The following CBR4 variants were observed in gnomAD, a reference collection of about 807,000 sequenced individuals.
CBR4 encodes carbonyl reductase 4.
A neutral mutation model predicts 21.0 loss-of-function variants in CBR4; 22 were observed. The ratio of observed to expected loss-of-function variants is 1.05; its 90% CI spans 0.75 to 1.50. The LOEUF (loss-of-function observed/expected upper bound fraction) is 1.50. Among genes scored for constraint, CBR4 ranks in the 40% most tolerant of loss-of-function variants. CBR4 has a pLI of 0.00. For synonymous variants in CBR4, 100 were observed against 104.4 expected (o/e 0.96, Z 0.26); for missense variants, 302 against 286.3 (o/e 1.05, Z -0.40).
intron 2 of CBR4, among the ~76,000 whole-genome samples, chr4:168,968,110 A>C (rs1277316226): frequency 6.6e-6 from 1 of 152,188 alleles, no homozygotes; most frequent in East Asian, 1.9e-4. Context: ...GTAATTTCTT[A>C]GAGAAAATAA....
intron 2 of CBR4, among the ~76,000 whole-genome samples, chr4:168,896,232 TA>T (rs1177013324): frequency 6.6e-6 from 1 of 151,774 alleles, no homozygotes; most frequent in East Asian, 1.9e-4. Flanking sequence ...AAAGTGCATT[TA>T]ATACACCTAA....
intron 2 of CBR4, among the ~76,000 whole-genome samples, chr4:168,965,250 TAA>T (rs1483480522): frequency 6.6e-6 from 1 of 151,960 alleles, no homozygotes; most frequent in Non-Finnish European, 1.5e-5. Context: ...CTCAACAAAA[TAA>T]AAGAGGACAC....
At chr4:169,006,693 T>C in intron 3 of CBR4, 62 bp downstream of exon 3, 4 of 1,386,630 alleles carry the variant, frequency 2.9e-6, no homozygotes, top group Non-Finnish European at 4.0e-6. Flanking sequence ...AATTCGTGGA[T>C]TAAATATTTT....
chr4:168,909,301 G>A (rs898606215), intron 2 of CBR4, among the ~76,000 whole-genome samples: 5 of 152,132 alleles, frequency 3.3e-5, no homozygotes, highest in Non-Finnish European at 7.4e-5. Context: ...CAAGTGGCAA[G>A]CTTTTATGAA....
At position 169,002,102 on chromosome 4, in the gene CBR4, T is replaced by C; in HGVS notation, c.504A>G (p.Arg168=). 2 of 1,596,590 alleles carry C rather than the reference T, an allele frequency of 1.3e-6. No individual in the cohort carries two copies. Among genetic ancestry groups the C allele is most frequent in the Non-Finnish European group, 1.7e-6 (2 of 1,173,114 alleles). ...FSRALAKEVA[R]KKIRVNVVAP... is the part of the protein sequence containing the mutation. ...CAACTACATTCACTCTAATTTTCTT[T>C]CTTGCTACCTCTTTAGCAAGAGCAC... The change falls in exon 4 of 5, where the codon AGA becomes AGG. Residue 168 remains arginine, a synonymous_variant. Transcript: ENST00000306193.
intron 2 of CBR4, among the ~76,000 whole-genome samples, chr4:168,912,765 C>A (rs1759247813): frequency 6.6e-6 from 1 of 152,100 alleles, no homozygotes; most frequent in Non-Finnish European, 1.5e-5. Context: ...TATGAAAATA[C>A]ACAATAAATT....
chr4:168,918,189 A>G (rs1486246380), intron 2 of CBR4, among the ~76,000 whole-genome samples: 6 of 150,094 alleles, frequency 4.0e-5, no homozygotes, highest in African/African-American at 1.5e-4. Flanking sequence ...CGTCTCCCCC[A>G]CAAAAAAAAA....
At chr4:168,963,530 G>A (rs371295088) in intron 2 of CBR4, among the ~76,000 whole-genome samples, 1 of 150,706 alleles carries the variant, frequency 6.6e-6, no homozygotes, top group Non-Finnish European at 1.5e-5. Flanking sequence ...GAGTCCTATG[G>A]TGTGATCTCA....
intron 2 of CBR4, among the ~76,000 whole-genome samples, chr4:168,918,952 T>G (rs1340743506): frequency 1.3e-5 from 2 of 152,188 alleles, no homozygotes; most frequent in African/African-American, 4.8e-5. Context: ...GTCTTGTTTT[T>G]AGAAATGCAT....
intron 2 of CBR4, among the ~76,000 whole-genome samples, chr4:168,968,263 T>C (rs1021551198): frequency 6.6e-6 from 1 of 152,084 alleles, no homozygotes; most frequent in Non-Finnish European, 1.5e-5. Context: ...ACCAAACAAG[T>C]GTAATAAAAA....
At chr4:168,951,722 G>T (rs565566315) in intron 2 of CBR4, among the ~76,000 whole-genome samples, 1 of 152,302 alleles carries the variant, frequency 6.6e-6, no homozygotes, top group East Asian at 1.9e-4. Flanking sequence ...GTTTTTGTTT[G>T]AGGAGGCTGA....
At chr4:168,963,458 T>C (rs1578945693) in intron 2 of CBR4, among the ~76,000 whole-genome samples, 1 of 149,996 alleles carries the variant, frequency 6.7e-6, no homozygotes, top group Non-Finnish European at 1.5e-5. Flanking sequence ...ATTCAGAAAC[T>C]CCTGTATAAA....
rs1764736434 is a variant in CBR4 at position 168,987,708 on chromosome 4, T to C, written c.*2442A>G. Reference sequence around the variant, plus strand: ...AATCTTAGAAAAAATGTTTCACCAATGTTAAGGTACAACTCTTGAATATGC... The same window carrying C: ...AATCTTAGAAAAAATGTTTCACCAACGTTAAGGTACAACTCTTGAATATGC... On this transcript the variant is annotated 3_prime_UTR_variant, in exon 5 of 5. Transcript: ENST00000306193. The C allele has an allele frequency of 1.0e-6, 1 of 984,076 alleles. No individual in the cohort carries two copies. Among genetic ancestry groups the C allele is most frequent in the African/African-American group, 1.7e-5 (1 of 57,212 alleles). The allele number at this position is 984,076 out of a possible 1,614,324, so 61.0% of individuals were successfully genotyped here. A position where few individuals can be genotyped will look rare whatever the true frequency, so the allele number is the denominator to read the frequency against.
intron 2 of CBR4, among the ~76,000 whole-genome samples, chr4:168,937,407 C>T (rs934357082): frequency 6.6e-5 from 10 of 152,040 alleles, no homozygotes; most frequent in African/African-American, 1.4e-4. Flanking sequence ...CATCAACTAA[C>T]GGGCAAAATA....
downstream of CBR4, among the ~76,000 whole-genome samples, chr4:168,987,359 A>G (rs1764724837): frequency 6.6e-6 from 1 of 152,228 alleles, no homozygotes; most frequent in Non-Finnish European, 1.5e-5. Context: ...TGACTAAAGA[A>G]TATTTTACTG....
At chr4:168,967,279 T>C (rs1434438662) in intron 2 of CBR4, among the ~76,000 whole-genome samples, 2 of 152,082 alleles carry the variant, frequency 1.3e-5, no homozygotes, top group Non-Finnish European at 2.9e-5. Flanking sequence ...CACCGCATGT[T>C]CTCACTCATA....
At position 168,944,553 on chromosome 4, in the gene CBR4, G is replaced by A. The variant is rs76377596; in HGVS notation, n.170-49788C>T. On this transcript the variant is annotated intron_variant and non_coding_transcript_variant, in intron 2 of 3. Coordinates refer to the CBR4 transcript ENST00000509108. ...AGTTTTATGAGTTTACTCTCAATCT[G>A]AGTCGCGCAACCTTATTTTTCTTAT... Among the ~76,000 whole-genome samples, 184 of 152,162 alleles carry A rather than the reference G, an allele frequency of 1.2e-3. 1 individual carries two copies. The highest frequency in any genetic ancestry group is 4.2e-3 in the African/African-American group (176 of 41,546).
chr4:168,951,906 T>G (rs907834063), intron 2 of CBR4, among the ~76,000 whole-genome samples: 7 of 152,312 alleles, frequency 4.6e-5, no homozygotes, highest in South Asian at 4.1e-4. Context: ...TGATGATATT[T>G]TTGCGATGAA....
intron 4 of CBR4, among the ~76,000 whole-genome samples, chr4:168,992,185 A>G (rs538928002): frequency 5.6e-4 from 86 of 152,364 alleles, no homozygotes; most frequent in African/African-American, 1.9e-3. Flanking sequence ...GAAAAAACTG[A>G]AACAAGCTGA....
Sources: allele counts gnomAD v4.1 joint callset (sites outside exome capture counted in the v4.1 genomes callset), GRCh38; gene constraint gnomAD v4.1.1; transcripts MANE v1.5; gene names NCBI Gene and HGNC (gene_info 2026-07-23, HGNC 2026-07-21).